The following PPP1R12B variants were observed in gnomAD, a reference collection of about 807,000 sequenced individuals.
The protein encoded by PPP1R12B is protein phosphatase 1 regulatory subunit 12B, also known as myosin phosphatase target subunit 2.
PPP1R12B carries 76 observed loss-of-function variants against 126.1 expected under a neutral mutation model. That is an observed-to-expected ratio of 0.60 (90% CI 0.50 to 0.73). The LOEUF (loss-of-function observed/expected upper bound fraction) is 0.73. Ranked by LOEUF, PPP1R12B falls within the 30% of genes least tolerant of loss-of-function variation. The pLI is 0.00. For synonymous variants in PPP1R12B, 356 were observed against 434.7 expected (o/e 0.82, Z 2.25); for missense variants, 1,052 against 1,205.1 (o/e 0.87, Z 1.88).
chr1:202,439,246 T>C, intron 10 of PPP1R12B: 1 of 1,390,172 alleles, frequency 7.2e-7, no homozygotes, highest in African/African-American at 1.4e-5. Context: ...CCAGACAATA[T>C]CAAGGCTGTC....
intron 1 of PPP1R12B, among the ~76,000 whole-genome samples, chr1:202,362,421 C>G (rs539928225): frequency 6.6e-6 from 1 of 152,282 alleles, no homozygotes; most frequent in South Asian, 2.1e-4. Flanking sequence ...TGAAGAGTTC[C>G]TACAGCACAA....
At chr1:202,417,223 G>T (rs1668191125) in intron 2 of PPP1R12B, 1 of 984,976 alleles carries the variant, frequency 1.0e-6, no homozygotes. Flanking sequence ...CTGTAGCTGG[G>T]CACGTATACA....
At chr1:202,535,554 A>G (rs986141596) in intron 18 of PPP1R12B, among the ~76,000 whole-genome samples, 2 of 152,146 alleles carry the variant, frequency 1.3e-5, no homozygotes, top group Admixed American at 6.5e-5. Flanking sequence ...GATAGTTCTT[A>G]TATTTGTTGG....
chr1:202,370,651 C>T (rs1429470595), intron 1 of PPP1R12B, among the ~76,000 whole-genome samples: 2 of 152,110 alleles, frequency 1.3e-5, no homozygotes, highest in Non-Finnish European at 2.9e-5. Flanking sequence ...ATTCTCCTGC[C>T]TCAGCCTCCC....
chr1:202,354,832 G>T (rs11804979), intron 1 of PPP1R12B, among the ~76,000 whole-genome samples: 138,074 of 143,118 alleles, frequency 0.96, 66,738 homozygotes, highest in East Asian at 1. Flanking sequence ...TTTTGTTGTT[G>T]TTTTTTTTTT....
chr1:202,544,923 G>C (rs1685498324), intron 18 of PPP1R12B, among the ~76,000 whole-genome samples: 1 of 152,226 alleles, frequency 6.6e-6, no homozygotes, highest in Admixed American at 6.5e-5. Flanking sequence ...TAGCAGGCCA[G>C]AGGCATTCTG....
intron 18 of PPP1R12B, among the ~76,000 whole-genome samples, chr1:202,506,035 C>T (rs1481526501): frequency 2.6e-5 from 4 of 152,126 alleles, no homozygotes; most frequent in Admixed American, 6.6e-5. Context: ...AGGCATTCCA[C>T]GTGTAGAAAA....
At chr1:202,393,388 CAG>C (rs900190157) in intron 1 of PPP1R12B, among the ~76,000 whole-genome samples, 15 of 151,100 alleles carry the variant, frequency 9.9e-5, no homozygotes, top group African/African-American at 3.2e-4. Flanking sequence ...CAAATCGAAA[CAG>C]TGTTTTTTTT....
intron 23 of PPP1R12B, among the ~76,000 whole-genome samples, chr1:202,570,840 A>G (rs1388297451): frequency 6.6e-6 from 1 of 152,192 alleles, no homozygotes; most frequent in Non-Finnish European, 1.5e-5. Context: ...CTGTTTCTTG[A>G]TGAGTGCATA....
intron 13 of PPP1R12B, among the ~76,000 whole-genome samples, chr1:202,466,459 C>T (rs1196524485): frequency 7.4e-5 from 11 of 148,584 alleles, no homozygotes; most frequent in African/African-American, 2.2e-4. Context: ...CTTTTTAGCC[C>T]TTTTTTTTTT....
intron 18 of PPP1R12B, among the ~76,000 whole-genome samples, chr1:202,500,205 G>GTC (rs948555841): frequency 2.1e-5 from 3 of 142,796 alleles, no homozygotes; most frequent in Non-Finnish European, 4.6e-5. Flanking sequence ...TGCTCTCGCT[G>GTC]TCTCTCTCTC....
At chr1:202,479,451 A>C (rs1368062624) in intron 13 of PPP1R12B, among the ~76,000 whole-genome samples, 1 of 152,236 alleles carries the variant, frequency 6.6e-6, no homozygotes, top group Non-Finnish European at 1.5e-5. Flanking sequence ...ATTTGGCTCT[A>C]CTTTTCCCCT....
chr1:202,570,246 A>G (rs182117240), intron 23 of PPP1R12B, among the ~76,000 whole-genome samples: 2 of 152,230 alleles, frequency 1.3e-5, no homozygotes. Flanking sequence ...CATCCCTAAT[A>G]TGCAGTTTGG....
chr1:202,589,073 T>C lies in PPP1R12B; in HGVS notation c.*8513T>C, dbSNP rs1476379812. The stretch of plus-strand genomic sequence containing the variant: ...CCATCACCCTTAGTCATCTGCTATA[T>C]CCATAAGTCTTCATGAGGTCATTGT... On this transcript the variant is annotated 3_prime_UTR_variant, in exon 24 of 24. Transcript: ENST00000608999. 6.6e-6 allele frequency: 1 copy of C among 152,190 alleles called. No homozygotes were observed. The highest frequency in any genetic ancestry group is 2.4e-5 in the African/African-American group (1 of 41,428). The allele number at this position is 152,190 out of a possible 1,614,324, so 9.4% of individuals were successfully genotyped here.
At chr1:202,474,167 AG>A (rs1361654589) in intron 13 of PPP1R12B, among the ~76,000 whole-genome samples, 3 of 152,242 alleles carry the variant, frequency 2.0e-5, no homozygotes, top group Non-Finnish European at 2.9e-5. Flanking sequence ...TACTACTTAA[AG>A]TACCACATAT....
intron 1 of PPP1R12B, among the ~76,000 whole-genome samples, chr1:202,365,420 G>A (rs1659044840): frequency 6.6e-6 from 1 of 151,772 alleles, no homozygotes; most frequent in African/African-American, 2.4e-5. Context: ...AACAGAGTGA[G>A]ACAGTCTCTA....
intron 2 of PPP1R12B, among the ~76,000 whole-genome samples, chr1:202,418,377 C>T (rs1395887758): frequency 6.6e-6 from 1 of 152,110 alleles, no homozygotes; most frequent in Non-Finnish European, 1.5e-5. Context: ...TTTTCTTTCA[C>T]TTTTCTAAGG....
chr1:202,425,662 A>T lies in PPP1R12B; in HGVS notation c.638A>T (p.Gln213Leu). 1 of 1,614,004 alleles carries T rather than the reference A, an allele frequency of 6.2e-7. No individual in the cohort carries two copies. Among genetic ancestry groups the T allele is most frequent in the South Asian group, 1.1e-5 (1 of 91,080 alleles). Residue 213 changes from glutamine (Q) to leucine (L), a missense_variant, in exon 4 of 24, where the codon CAG becomes CTG. Coordinates refer to ENST00000608999, the MANE Select transcript of PPP1R12B (RefSeq NM_002481.4). ...LNSGKIEDVRQARSGATALHV... is the reference protein window; with the variant it reads ...LNSGKIEDVRLARSGATALHV... ...AGTGGGAAAATAGAGGATGTGAGGC[A>T]GGCTCGCTCAGGGGCTACAGCCCTT...
rs1558216089 is a variant in PPP1R12B, at chr1:202,431,505, G to A, written c.1027G>A (p.Glu343Lys). The A allele has an allele frequency of 1.2e-6, 2 of 1,610,380 alleles. No homozygotes were observed. Among genetic ancestry groups the A allele is most frequent in the Non-Finnish European group, 1.7e-6 (2 of 1,178,754 alleles). Residue 343 changes from glutamate to lysine, a missense_variant, in exon 8 of 24, where the codon GAG (glutamate) becomes AAG (lysine). By Grantham distance (56) the Glu-to-Lys change is moderately conservative (BLOSUM62 1). Transcript: ENST00000608999. ...CAAAGAGAAGATGCTCTATGAGGAG[G>A]AGACACCTAAGTCCCAAGAAATGGA... Reference protein sequence around the residue: ...KNKEKMLYEEETPKSQEMEEE... With the variant: ...KNKEKMLYEEKTPKSQEMEEE...
Sources: gnomAD v4.1 joint callset for allele counts (sites outside exome capture counted in the v4.1 genomes callset) on GRCh38, gnomAD v4.1.1 for gene constraint, MANE v1.5 for transcripts, NCBI Gene and HGNC (gene_info 2026-07-23, HGNC 2026-07-21) for gene names.